The following AK5 variants were observed in gnomAD, a reference collection of about 807,000 sequenced individuals.
The protein encoded by AK5 is adenylate kinase isoenzyme 5.
AK5 carries 27 observed loss-of-function variants against 69.5 expected under a neutral mutation model. The observed-to-expected ratio is 0.39, with a 90% CI of 0.29 to 0.54. The LOEUF is 0.54. Among genes scored for constraint, AK5 ranks in the 20% least tolerant of loss-of-function variants. The pLI, the probability that AK5 is intolerant of heterozygous loss-of-function variation, is 0.71. For missense variants in AK5, 531 were observed against 700.4 expected, an observed-to-expected ratio of 0.76 and a Z score of 2.73; for synonymous variants, 260 against 244.4, an observed-to-expected ratio of 1.06 and a Z score of -0.60.
intron 13 of AK5, among the ~76,000 whole-genome samples, chr1:77,541,916 G>A (rs900904014): frequency 7.2e-5 from 11 of 152,178 alleles, no homozygotes; most frequent in African/African-American, 2.7e-4. Context: ...ACAGGCAGCT[G>A]GGGTCACAGG....
chr1:77,315,716 G>A (rs1410395213), intron 5 of AK5, among the ~76,000 whole-genome samples: 1 of 152,098 alleles, frequency 6.6e-6, no homozygotes, highest in Non-Finnish European at 1.5e-5. Flanking sequence ...TGATACAGTG[G>A]GCGCCACAAT....
intron 10 of AK5, among the ~76,000 whole-genome samples, chr1:77,494,728 A>G (rs1656206541): frequency 6.6e-6 from 1 of 152,060 alleles, no homozygotes; most frequent in Non-Finnish European, 1.5e-5. Context: ...GATTAAAACT[A>G]ACATATACTG....
chr1:77,550,849 AC>A (rs1659787736), intron 13 of AK5, among the ~76,000 whole-genome samples: 1 of 152,202 alleles, frequency 6.6e-6, no homozygotes, highest in Non-Finnish European at 1.5e-5. Context: ...TTTTGTTCCC[AC>A]CCAATTCAAC....
At chr1:77,498,598 G>A (rs2803153) in intron 10 of AK5, among the ~76,000 whole-genome samples, 149,889 of 152,244 alleles carry the variant, frequency 0.98, 73,835 homozygotes, top group East Asian at 1. Context: ...TATTGATTGT[G>A]TCTAGGTCAT....
intron 1 of AK5, chr1:77,282,749 A>G (rs1459795107): frequency 2.0e-6 from 2 of 1,022,374 alleles, no homozygotes; most frequent in African/African-American, 3.4e-5. Flanking sequence ...AGCAGCGAGT[A>G]AAGACTCGAA....
chr1:77,282,610 A>G (rs1658123827), intron 1 of AK5: 6 of 1,300,104 alleles, frequency 4.6e-6, no homozygotes, highest in Non-Finnish European at 5.9e-6. Context: ...TCAGTCTTCC[A>G]GCAGGGTTCT....
At chr1:77,422,864 T>G (rs746549472) in intron 8 of AK5, among the ~76,000 whole-genome samples, 5 of 152,214 alleles carry the variant, frequency 3.3e-5, no homozygotes, top group Non-Finnish European at 7.4e-5. Flanking sequence ...TATGCCTTAC[T>G]GAGCCCCTTT....
At chr1:77,288,910 C>T (rs1050047593) in intron 2 of AK5, among the ~76,000 whole-genome samples, 4 of 152,142 alleles carry the variant, frequency 2.6e-5, no homozygotes, top group African/African-American at 7.2e-5. Context: ...ACACTCAGCA[C>T]AAAATAGCCA....
intron 6 of AK5, among the ~76,000 whole-genome samples, chr1:77,377,183 A>G (rs974672738): frequency 3.3e-5 from 5 of 152,146 alleles, no homozygotes; most frequent in Non-Finnish European, 5.9e-5. Context: ...CTCAAAACAC[A>G]TATACCAGAC....
At position 77,422,998 on chromosome 1, in the gene AK5, G is replaced by A. The variant is rs1028235304; in HGVS notation, c.1059+5283G>A. On this transcript the variant is annotated intron_variant, in intron 8 of 13. Coordinates refer to ENST00000354567, the MANE Select transcript of AK5 (RefSeq NM_174858.3). The stretch of plus-strand genomic sequence containing the variant: ...TGGGAGGCCAAGGTGGGTGGATCAC[G>A]AGGTCAGGAGATTGAGACCATCCTG... Among the ~76,000 whole-genome samples, 12 of 152,124 alleles carry A rather than the reference G, an allele frequency of 7.9e-5. No individual in the cohort carries two copies. The South Asian group carries it at 2.1e-3, about 26-fold the overall frequency.
chr1:77,313,743 A>C, intron 5 of AK5: 1 of 493,914 alleles, frequency 2.0e-6, no homozygotes, highest in South Asian at 1.5e-5. Context: ...GTACCATGGC[A>C]GCTGCTGCCG....
At chr1:77,368,541 C>G (rs61783076) in intron 6 of AK5, among the ~76,000 whole-genome samples, 8,455 of 151,460 alleles carry the variant, frequency 0.056, 283 homozygotes, top group Middle Eastern at 0.088. Context: ...ATTCCTGACT[C>G]TGAATTCATA....
intron 6 of AK5, among the ~76,000 whole-genome samples, chr1:77,350,342 G>A (rs1465214059): frequency 6.6e-6 from 1 of 152,212 alleles, no homozygotes; most frequent in Non-Finnish European, 1.5e-5. Flanking sequence ...AGAAGGTCAT[G>A]ATAAGCAGAC....
chr1:77,419,685 A>T, intron 8 of AK5, among the ~76,000 whole-genome samples: 1 of 6,516 alleles, frequency 1.5e-4, no homozygotes, highest in Admixed American at 1.6e-3. Flanking sequence ...AAATATGAGA[A>T]AGAACTTAGG....
intron 10 of AK5, among the ~76,000 whole-genome samples, chr1:77,509,641 A>G (rs745949670): frequency 4.2e-4 from 64 of 152,242 alleles, no homozygotes; most frequent in Non-Finnish European, 7.8e-4. Context: ...GAAATATGAT[A>G]GATTTCTAAA....
intron 8 of AK5, among the ~76,000 whole-genome samples, chr1:77,465,516 G>T (rs1416267768): frequency 1.3e-5 from 2 of 152,120 alleles, no homozygotes; most frequent in African/African-American, 4.8e-5. Context: ...TCTTAACCGG[G>T]ACGTCTTATT....
At chr1:77,466,187 C>G (rs1188027253) in intron 8 of AK5, among the ~76,000 whole-genome samples, 1 of 152,136 alleles carries the variant, frequency 6.6e-6, no homozygotes, top group African/African-American at 2.4e-5. Context: ...CTTCCTGCAG[C>G]CCTTTGCATC....
chr1:77,367,830 A>T (rs12130867), intron 6 of AK5, among the ~76,000 whole-genome samples: 240 of 4,410 alleles, frequency 0.054, 85 homozygotes, highest in Non-Finnish European at 0.095. Context: ...ATTATATATA[A>T]TATATGTTAT....
At chr1:77,298,004 T>A in intron 5 of AK5, 57 bp downstream of exon 5, 1 of 1,337,234 alleles carries the variant, frequency 7.5e-7, no homozygotes, top group Non-Finnish European at 1.0e-6. Context: ...ATTTTGGGAA[T>A]AAAAACAAAA....
Sources: gnomAD v4.1 joint callset for allele counts (sites outside exome capture counted in the v4.1 genomes callset) on GRCh38, gnomAD v4.1.1 for gene constraint, MANE v1.5 for transcripts, NCBI Gene and HGNC (gene_info 2026-07-23, HGNC 2026-07-21) for gene names.